EPPIN: variants seen among roughly 807,000 people sequenced by gnomAD.
The protein encoded by EPPIN is WAP four-disulfide core domain protein 7.
In EPPIN, 14 loss-of-function variants were observed where a neutral mutation model predicts 18.8. The ratio of observed to expected loss-of-function variants is 0.75; its 90% CI spans 0.49 to 1.17. The LOEUF (loss-of-function observed/expected upper bound fraction) is 1.17. Among genes scored for constraint, EPPIN ranks in the 50% most tolerant of loss-of-function variants. The probability of loss-of-function intolerance (pLI) is 0.00; values close to 1 mark genes in which losing one functional copy is unlikely to be tolerated. For missense variants in EPPIN, 143 were observed against 154.2 expected (o/e 0.93, Z 0.39); for synonymous variants, 57 against 54.8 (o/e 1.04, Z -0.18).
At chr20:45,542,668 G>A (rs1441690843) in intron 3 of EPPIN, 32 bp downstream of exon 3, 3 of 1,605,646 alleles carry the variant, frequency 1.9e-6, no homozygotes, top group Non-Finnish European at 2.6e-6. Context: ...TGGGACTGGA[G>A]AGGATGAAAG....
In EPPIN at chr20:45,541,088, A is replaced by T. The variant is rs187227481; in HGVS notation, c.*1056T>A. The T allele has an allele frequency of 6.6e-6, 1 of 152,364 alleles. No homozygotes were observed. Among genetic ancestry groups the T allele is most frequent in the Non-Finnish European group, 1.5e-5 (1 of 68,034 alleles). The allele number at this position is 152,364 out of a possible 1,614,324, so 9.4% of individuals were successfully genotyped here. ...ATATGCCATGGAATACTATGCAGCC[A>T]TAAAAAGAAATGAGATCACGTCCTT... On this transcript the variant is annotated 3_prime_UTR_variant, in exon 4 of 4. Coordinates refer to ENST00000354280, the MANE Select transcript of EPPIN (RefSeq NM_020398.4).
rs1164656098 is a variant in EPPIN, at chr20:45,545,640, T to G, written c.222A>C (p.Gln74His). 1.2e-6 allele frequency: 2 copies of G among 1,613,874 alleles called. No individual in the cohort carries two copies. The highest frequency in any genetic ancestry group is 1.7e-6 in the Non-Finnish European group (2 of 1,179,906). The change falls in exon 2 of 4, where the codon CAA becomes CAC. Residue 74 changes from glutamine to histidine, a missense_variant and splice_region_variant. Transcript: ENST00000354280. ...SCGKKCLDLK[Q>H]DVCEMPKETG... is the part of the protein sequence containing the mutation. ...TTATTCTGCAGCTCTGAATATTACC[T>G]TGTTTGAGATCTAAACATTTTTTTC...
intron 1 of EPPIN, chr20:45,546,039 A>G: frequency 2.0e-6 from 1 of 498,192 alleles, no homozygotes; most frequent in South Asian, 4.8e-5. Context: ...TTTGGGCTGG[A>G]TAATTCTTTG....
Position 45,542,063 on chromosome 20 carries a change from C to A in EPPIN, c.*81G>T. 1 of 1,573,022 alleles carries A rather than the reference C, an allele frequency of 6.4e-7. No individual in the cohort carries two copies. Among genetic ancestry groups the A allele is most frequent in the Non-Finnish European group, 8.7e-7 (1 of 1,153,440 alleles). Reference sequence around the variant, plus strand: ...GCTGAGAGTGAAACTGGAAGCCAGTCTGGAGCATCCGTCAGGTACAGGAAC... The same window carrying A: ...GCTGAGAGTGAAACTGGAAGCCAGTATGGAGCATCCGTCAGGTACAGGAAC... On this transcript the variant is annotated 3_prime_UTR_variant, in exon 4 of 4. Transcript: ENST00000354280.
chr20:45,545,624 A>C lies in EPPIN; in HGVS notation c.223+15T>G. 6.2e-7 allele frequency: 1 copy of C among 1,613,856 alleles called. No homozygotes were observed. Among genetic ancestry groups the C allele is most frequent in the Non-Finnish European group, 8.5e-7 (1 of 1,179,796 alleles). On this transcript the variant is annotated intron_variant, in intron 2 of 3. Transcript: ENST00000354280. ...GGGGAGGAGGGGTTGGTTATTCTGCAGCTCTGAATATTACCTTGTTTGAGA... is the reference window on the plus strand; with the variant it reads ...GGGGAGGAGGGGTTGGTTATTCTGCCGCTCTGAATATTACCTTGTTTGAGA...
intron 2 of EPPIN, chr20:45,545,406 C>G: frequency 1.7e-6 from 1 of 572,294 alleles, no homozygotes; most frequent in Non-Finnish European, 2.9e-6. Flanking sequence ...CACTGATTCA[C>G]CAATGATTTG....
In EPPIN at chr20:45,545,784, G is replaced by T. The variant is rs765156; in HGVS notation, c.92-14C>A. On this transcript the variant is annotated splice_polypyrimidine_tract_variant and intron_variant, in intron 1 of 3. Coordinates refer to ENST00000354280, the MANE Select transcript of EPPIN (RefSeq NM_020398.4). ...TGGGACATCTCCCTAGGGAAAGAGC[G>T]GTTTTACACCCGTGTGCCTTAGAGA... The T allele has an allele frequency of 3.5e-5, 56 of 1,613,428 alleles. No homozygotes were observed. In the African/African-American group the frequency reaches 6.3e-4, roughly 18 times the overall value.
At position 45,547,380 on chromosome 20, in the gene EPPIN, T is replaced by C. The variant is rs756510151; in HGVS notation, c.-23A>G. ...CATGTTGAAGAGAGGCCAGCCTTTC[T>C]GGTGGTTCCCGAATTTGGAATGCTC... On this transcript the variant is annotated 5_prime_UTR_variant, in exon 1 of 4. Coordinates refer to ENST00000354280, the MANE Select transcript of EPPIN (RefSeq NM_020398.4). The C allele has an allele frequency of 1.2e-6, 2 of 1,612,946 alleles. No homozygotes were observed. The highest frequency in any genetic ancestry group is 3.3e-5 in the Admixed American group (2 of 59,990).
intron 2 of EPPIN, 74 bp from the exon 3 acceptor site, chr20:45,542,941 G>T (rs1347487590): frequency 1.3e-6 from 2 of 1,532,620 alleles, no homozygotes; most frequent in African/African-American, 1.4e-5. Context: ...ATTCTCCCTG[G>T]CAACTGCTAT....
rs534042725 is a variant in EPPIN, at chr20:45,541,022, T to C, written c.*1122A>G. ...AGCAAAAACATGGAATCAAACCAAA[T>C]ATCCATCAACGATAGGCTGGATAAA... On this transcript the variant is annotated 3_prime_UTR_variant, in exon 4 of 4. Transcript: ENST00000354280. 1 of 152,312 alleles carries C rather than the reference T, an allele frequency of 6.6e-6. No homozygotes were observed. The highest frequency in any genetic ancestry group is 6.5e-5 in the Admixed American group (1 of 15,306). The allele number at this position is 152,312 out of a possible 1,614,324, so 9.4% of individuals were successfully genotyped here. A position where few individuals can be genotyped will look rare whatever the true frequency, so the allele number is the denominator to read the frequency against.
intron 2 of EPPIN, 130 bp downstream of exon 2, chr20:45,545,509 C>T (rs1979785443): frequency 2.7e-6 from 4 of 1,498,298 alleles, no homozygotes; most frequent in Non-Finnish European, 3.7e-6. Context: ...ATCTAAATCG[C>T]AGGTCTCCCA....
intron 1 of EPPIN, among the ~76,000 whole-genome samples, chr20:45,546,698 A>C (rs548378208): frequency 6.6e-6 from 1 of 152,330 alleles, no homozygotes; most frequent in South Asian, 2.1e-4. Context: ...TTGTTTTAGA[A>C]ATCCCTTTTC....
At chr20:45,543,149 T>A (rs974929971) in intron 2 of EPPIN, 1 of 331,242 alleles carries the variant, frequency 3.0e-6, no homozygotes, top group Non-Finnish European at 5.4e-6. Flanking sequence ...CTGGTGTCCT[T>A]ATACAAACAG....
Position 45,541,525 on chromosome 20 carries a change from A to G in EPPIN, c.*619T>C, listed in dbSNP as rs1979589788. The stretch of plus-strand genomic sequence containing the variant: ...TTCTCTCTTCCCTTCTCTTCCCTGA[A>G]TTACTCATCTCACTCCCCATCTTGT... On this transcript the variant is annotated 3_prime_UTR_variant, in exon 4 of 4. Coordinates refer to ENST00000354280, the MANE Select transcript of EPPIN (RefSeq NM_020398.4). 6.6e-6 allele frequency: 1 copy of G among 152,316 alleles called. No individual in the cohort carries two copies. The highest frequency in any genetic ancestry group is 2.1e-4 in the South Asian group (1 of 4,830). The allele number at this position is 152,316 out of a possible 1,614,324, so 9.4% of individuals were successfully genotyped here.
chr20:45,545,408 A>C (rs1476349874), intron 2 of EPPIN: 1 of 577,214 alleles, frequency 1.7e-6, no homozygotes, highest in East Asian at 3.0e-5. Context: ...CTGATTCACC[A>C]ATGATTTGTT....
At chr20:45,545,861 G>A in intron 1 of EPPIN, 91 bp from the exon 2 acceptor site, 1 of 1,556,128 alleles carries the variant, frequency 6.4e-7, no homozygotes, top group Non-Finnish European at 8.7e-7. Flanking sequence ...GAGAGTCAGG[G>A]AAGTTTGCTT....
Position 45,542,685 on chromosome 20 carries a change from G to C in EPPIN, c.391+15C>G. The C allele has an allele frequency of 6.2e-7, 1 of 1,610,588 alleles. No homozygotes were observed. Among genetic ancestry groups the C allele is most frequent in the Non-Finnish European group, 8.5e-7 (1 of 1,178,580 alleles). ...GGACTGGAGAGGATGAAAGACCGGG[G>C]CCCCTAGGACTTACGTTTATTCTTG... On this transcript the variant is annotated intron_variant, in intron 3 of 3. Coordinates refer to ENST00000354280, the MANE Select transcript of EPPIN (RefSeq NM_020398.4).
At position 45,547,185 on chromosome 20, in the gene EPPIN, C is replaced by T. The variant is rs897782561; in HGVS notation, c.91+82G>A. 2.5e-6 allele frequency: 4 copies of T among 1,583,766 alleles called. No homozygotes were observed. The African/African-American group carries it at 4.1e-5, about 16-fold the overall frequency. On this transcript the variant is annotated intron_variant, in intron 1 of 3. Coordinates refer to ENST00000354280, the MANE Select transcript of EPPIN (RefSeq NM_020398.4). Reference sequence around the variant, plus strand: ...CTGGGCTAAGATGGTGGAAAGCAACCCACATCTGAAGAGTTCTTCCCTGTT... The same window carrying T: ...CTGGGCTAAGATGGTGGAAAGCAACTCACATCTGAAGAGTTCTTCCCTGTT...
At chr20:45,545,909 C>T in intron 1 of EPPIN, 139 bp from the exon 2 acceptor site, 5 of 1,325,882 alleles carry the variant, frequency 3.8e-6, no homozygotes. Context: ...TTCCTCAGGG[C>T]AGCCTCACTC....
Sources: gnomAD v4.1 joint callset for allele counts (sites outside exome capture counted in the v4.1 genomes callset) on GRCh38, gnomAD v4.1.1 for gene constraint, MANE v1.5 for transcripts, NCBI Gene and HGNC (gene_info 2026-07-23, HGNC 2026-07-21) for gene names.